The following PSPC1 variants were observed in gnomAD, a reference collection of about 807,000 sequenced individuals.
PSPC1 encodes paraspeckle protein 1.
A neutral mutation model predicts 51.6 loss-of-function variants in PSPC1; 14 were observed. That is an observed-to-expected ratio of 0.27 (90% confidence interval 0.18 to 0.42). PSPC1 has a LOEUF of 0.42. Ranked by LOEUF, PSPC1 falls within the 10% of genes least tolerant of loss-of-function variation. The probability of loss-of-function intolerance (pLI) is 1.00; values close to 1 mark genes in which losing one functional copy is unlikely to be tolerated. For synonymous variants in PSPC1, 193 were observed against 231.9 expected (o/e 0.83, Z 1.53); for missense variants, 406 against 701.1 (o/e 0.58, Z 4.75).
At chr13:19,711,338 G>A (rs1378264841) in intron 6 of PSPC1, among the ~76,000 whole-genome samples, 2 of 151,888 alleles carry the variant, frequency 1.3e-5, no homozygotes, top group Non-Finnish European at 2.9e-5. Flanking sequence ...TGGCAAACAT[G>A]GTGAAACCTG....
intron 6 of PSPC1, among the ~76,000 whole-genome samples, chr13:19,712,145 C>G (rs1054149289): frequency 4.6e-5 from 7 of 152,070 alleles, no homozygotes; most frequent in Non-Finnish European, 7.4e-5. Flanking sequence ...GGTTACACAC[C>G]AGCACCATCG....
intron 6 of PSPC1, among the ~76,000 whole-genome samples, chr13:19,685,473 A>T (rs1329190326): frequency 2.6e-5 from 4 of 152,222 alleles, no homozygotes; most frequent in African/African-American, 4.8e-5. Flanking sequence ...TAATTCAACA[A>T]AAGCACAGGA....
intron 2 of PSPC1, among the ~76,000 whole-genome samples, chr13:19,765,362 T>TATC (rs1350660094): frequency 1.8e-4 from 26 of 146,158 alleles, no homozygotes; most frequent in South Asian, 4.3e-4. Flanking sequence ...TTATTATTAT[T>TATC]ATTACCAGGA....
intron 4 of PSPC1, among the ~76,000 whole-genome samples, chr13:19,745,179 A>G (rs373992923): frequency 5.9e-5 from 9 of 152,188 alleles, no homozygotes; most frequent in African/African-American, 2.2e-4. Context: ...TAAGCCGGGC[A>G]TGGTGGCACA....
chr13:19,755,640 C>T lies in PSPC1; in HGVS notation c.770+3683G>A, dbSNP rs561387320. On this transcript the variant is annotated intron_variant, in intron 3 of 8. Transcript: ENST00000338910. ...ATTATAATCAACGCTAATGCTAATG[C>T]TTCCTCCCTGAAATACTCTCCTCCC... Among the ~76,000 whole-genome samples the T allele has an allele frequency of 1.4e-4, 22 of 152,064 alleles. No homozygotes were observed. In the South Asian group the frequency reaches 3.3e-3, roughly 23 times the overall value.
intron 1 of PSPC1, among the ~76,000 whole-genome samples, chr13:19,780,068 G>T (rs1593798622): frequency 9.0e-6 from 1 of 110,534 alleles, no homozygotes; most frequent in African/African-American, 3.2e-5. Flanking sequence ...GGGCGCCTCT[G>T]CCCGGCCGCC....
chr13:19,745,355 T>A (rs1885858146), intron 4 of PSPC1, among the ~76,000 whole-genome samples: 1 of 152,098 alleles, frequency 6.6e-6, no homozygotes, highest in East Asian at 1.9e-4. Flanking sequence ...CTAACAAATT[T>A]AATGATAAAA....
intron 1 of PSPC1, among the ~76,000 whole-genome samples, chr13:19,776,953 C>T (rs193189750): frequency 1.2e-3 from 175 of 148,566 alleles, no homozygotes; most frequent in Middle Eastern, 7.0e-3. Context: ...TGGTGAAACC[C>T]TATCTCTACT....
At chr13:19,707,845 A>G (rs1880899132) in intron 7 of PSPC1, among the ~76,000 whole-genome samples, 1 of 152,152 alleles carries the variant, frequency 6.6e-6, no homozygotes, top group Non-Finnish European at 1.5e-5. Flanking sequence ...AACTGCCTAT[A>G]ATCTACAATA....
intron 7 of PSPC1, among the ~76,000 whole-genome samples, chr13:19,676,557 A>G (rs1249120462): frequency 6.6e-6 from 1 of 152,048 alleles, no homozygotes; most frequent in Non-Finnish European, 1.5e-5. Flanking sequence ...CTAGAAAGAA[A>G]CGTCTTCATT....
rs897149547 is a variant in PSPC1 at position 19,715,784 on chromosome 13, C to T, written c.1159-6185G>A. 3.3e-5 allele frequency among the ~76,000 whole-genome samples: 5 copies of T among 151,994 alleles called. No homozygotes were observed. The South Asian group carries it at 6.2e-4, about 19-fold the overall frequency. ...ATCCCAGCACTTTGGGAGGCTGAGGCGGATGGATCACGAGGTCAAGAGATC... is the reference window on the plus strand; with the variant it reads ...ATCCCAGCACTTTGGGAGGCTGAGGTGGATGGATCACGAGGTCAAGAGATC... On this transcript the variant is annotated intron_variant, in intron 6 of 8. Coordinates refer to ENST00000338910, the MANE Select transcript of PSPC1 (RefSeq NM_001354909.2).
chr13:19,709,190 A>G (rs1881096375), intron 7 of PSPC1, among the ~76,000 whole-genome samples: 1 of 151,402 alleles, frequency 6.6e-6, no homozygotes, highest in Non-Finnish European at 1.5e-5. Flanking sequence ...GCCAAATAGA[A>G]GGCATAAAAT....
chr13:19,717,329 G>A (rs1882221567), intron 6 of PSPC1, among the ~76,000 whole-genome samples: 1 of 151,982 alleles, frequency 6.6e-6, no homozygotes, highest in Non-Finnish European at 1.5e-5. Flanking sequence ...ACTATGGGAG[G>A]CTGAGGCAGG....
intron 6 of PSPC1, among the ~76,000 whole-genome samples, chr13:19,696,166 G>A (rs1879201537): frequency 6.6e-6 from 1 of 152,172 alleles, no homozygotes; most frequent in African/African-American, 2.4e-5. Context: ...GTGGAAAACT[G>A]AGAAGATACC....
intron 2 of PSPC1, among the ~76,000 whole-genome samples, chr13:19,764,423 T>C (rs570007854): frequency 6.6e-6 from 1 of 152,276 alleles, no homozygotes; most frequent in South Asian, 2.1e-4. Context: ...TCTGTAATTA[T>C]ATATAACATC....
At chr13:19,780,039 G>A (rs1403727746) in intron 1 of PSPC1, among the ~76,000 whole-genome samples, 30 of 116,124 alleles carry the variant, frequency 2.6e-4, no homozygotes, top group African/African-American at 5.0e-4. Context: ...CCGGCCAGCC[G>A]CCCCGTCCGG....
rs143325518 is a variant in PSPC1, at chr13:19,760,956, C to T, written c.675-1538G>A. ...TGAGCCAAGATCACGCCACTGCACT[C>T]CAGCCCAGGCGACAGAGTGAAACTC... is the stretch of plus-strand genomic sequence containing the variant. On this transcript the variant is annotated intron_variant, in intron 2 of 8. Coordinates refer to ENST00000338910, the MANE Select transcript of PSPC1 (RefSeq NM_001354909.2). Among the ~76,000 whole-genome samples, 514 of 151,990 alleles carry T rather than the reference C, an allele frequency of 3.4e-3. 1 individual carries two copies. Among genetic ancestry groups the T allele is most frequent in the Middle Eastern group, 6.8e-3 (2 of 294 alleles).
chr13:19,727,211 T>G (rs866355835), intron 6 of PSPC1, among the ~76,000 whole-genome samples: 2 of 152,068 alleles, frequency 1.3e-5, no homozygotes, highest in African/African-American at 4.8e-5. Context: ...CTGGCCAACA[T>G]GGTGAAACCC....
Position 19,759,355 on chromosome 13 carries a change from C to T in PSPC1, c.738G>A (p.Glu246=). 2 of 1,614,096 alleles carry T rather than the reference C, an allele frequency of 1.2e-6. No individual in the cohort carries two copies. Among genetic ancestry groups the T allele is most frequent in the Non-Finnish European group, 1.7e-6 (2 of 1,179,998 alleles). ...EQFDDEDGLP[E]KLMQKTQQYH... is the part of the protein sequence containing the mutation. ...ATTGTTGAGTTTTCTGCATCAGCTTCTCTGGCAAGCCATCTTCATCATCAA... is the reference window on the plus strand; with the variant it reads ...ATTGTTGAGTTTTCTGCATCAGCTTTTCTGGCAAGCCATCTTCATCATCAA... The change falls in exon 3 of 9, where the codon GAG becomes GAA. Residue 246 remains glutamate (E), a synonymous_variant. Coordinates refer to ENST00000338910, the MANE Select transcript of PSPC1 (RefSeq NM_001354909.2).
Sources: gnomAD v4.1 joint callset for allele counts (sites outside exome capture counted in the v4.1 genomes callset) on GRCh38, gnomAD v4.1.1 for gene constraint, MANE v1.5 for transcripts, NCBI Gene and HGNC (gene_info 2026-07-23, HGNC 2026-07-21) for gene names.